Variants in GAS5 observed in about 807,000 individuals in gnomAD.
GAS5 encodes growth arrest specific 5 (non-protein coding).
intron 5 of GAS5, chr1:173,865,813 C>T (rs1431270258): frequency 1.9e-6 from 1 of 513,268 alleles, no homozygotes; most frequent in African/African-American, 1.9e-5. Flanking sequence ...ATATCACCAT[C>T]AGCATTTTCA....
At chr1:173,864,738 T>C in intron 6 of GAS5, 9 of 501,280 alleles carry the variant, frequency 1.8e-5, no homozygotes, top group South Asian at 1.3e-4. Context: ...GTAAGACAAC[T>C]TGCATACAAT....
At chr1:173,863,957 A>C (rs939765994) in intron 7 of GAS5, 2 of 285,462 alleles carry the variant, frequency 7.0e-6, no homozygotes, top group African/African-American at 4.4e-5. Flanking sequence ...TTGTGCCATG[A>C]GACTCCATCA....
upstream of GAS5, chr1:173,867,562 C>G (rs1183106120): frequency 2.1e-6 from 1 of 484,872 alleles, no homozygotes; most frequent in Non-Finnish European, 4.1e-6. Context: ...CTGCGGAATG[C>G]AGGCACTTAA....
chr1:173,867,183 T>C (rs764392117), upstream of GAS5: 16 of 576,782 alleles, frequency 2.8e-5, no homozygotes, highest in Non-Finnish European at 4.3e-5. Context: ...AGGTAAAGGA[T>C]ACACTTAATG....
At position 173,866,301 on chromosome 1, in the gene GAS5, A is replaced by C. The variant is rs758368948; in HGVS notation, n.132-95T>G. The C allele has an allele frequency of 7.7e-6, 4 of 516,910 alleles. 1 individual carries two copies. The highest frequency in any genetic ancestry group is 5.6e-5 in the South Asian group (4 of 71,542). The allele number at this position is 516,910 out of a possible 1,614,324, so 32.0% of individuals were successfully genotyped here. On this transcript the variant is annotated intron_variant and non_coding_transcript_variant, in intron 3 of 7. Transcript: ENST00000651080. ...ATTAACAGCAAACCACAACTACCCC[A>C]GATACATCAGACAGATAGTACATCT...
chr1:173,866,075 CCATTT>C (rs1654560341), intron 4 of GAS5: 1 of 518,832 alleles, frequency 1.9e-6, no homozygotes, highest in South Asian at 1.4e-5. Flanking sequence ...CAAGAATCCG[CCATTT>C]ATTTAATGCA....
intron 3 of GAS5, chr1:173,866,502 AG>A (rs1654677070): frequency 1.5e-6 from 1 of 674,830 alleles, no homozygotes; most frequent in East Asian, 2.7e-5. Context: ...CTTAAAAGTG[AG>A]AAGTACAAAA....
At chr1:173,864,566 G>C in intron 6 of GAS5, 1 of 383,238 alleles carries the variant, frequency 2.6e-6, no homozygotes, top group Non-Finnish European at 5.1e-6. Flanking sequence ...TTCCTTCTCA[G>C]TCACATTTTA....
intron 6 of GAS5, chr1:173,864,567 TCA>T: frequency 2.6e-6 from 1 of 383,244 alleles, no homozygotes; most frequent in Non-Finnish European, 5.1e-6. Flanking sequence ...TCCTTCTCAG[TCA>T]CATTTTAACT....
upstream of GAS5, chr1:173,867,972 G>C (rs139899225): frequency 6.0e-6 from 2 of 335,974 alleles, no homozygotes; most frequent in African/African-American, 2.2e-5. Context: ...CACAGGAGTC[G>C]ACTCCTACCT....
upstream of GAS5, chr1:173,867,994 T>A (rs747326946): frequency 1.5e-5 from 5 of 324,032 alleles, 1 homozygote; most frequent in South Asian, 7.3e-5. Flanking sequence ...GAAAAGACAG[T>A]ATGGTGCCTG....
intron 7 of GAS5, chr1:173,864,093 A>G (rs1033567126): frequency 2.0e-6 from 1 of 497,922 alleles, no homozygotes; most frequent in Non-Finnish European, 4.1e-6. Context: ...AAAAAATAAG[A>G]CAAGACTTTT....
At chr1:173,865,063 G>C (rs1056357054) in intron 6 of GAS5, 1 of 357,834 alleles carries the variant, frequency 2.8e-6, no homozygotes, top group Non-Finnish European at 5.5e-6. Context: ...GCCAGGCATG[G>C]TGTCACATGC....
intron 6 of GAS5, chr1:173,864,404 T>C (rs1557868711): frequency 1.9e-6 from 1 of 519,008 alleles, no homozygotes; most frequent in Non-Finnish European, 3.8e-6. Context: ...TTTACAGTGA[T>C]ATCATTATAT....
exon 6 of GAS5, chr1:173,865,494 G>A (rs6790): frequency 0.1 from 53,047 of 506,896 alleles, 3,576 homozygotes; most frequent in East Asian, 0.33. Flanking sequence ...GACAGGAACT[G>A]TCTTCATGTC....
At chr1:173,864,847 G>T (rs747395568) in intron 6 of GAS5, 2 of 519,058 alleles carry the variant, frequency 3.9e-6, no homozygotes, top group Admixed American at 1.9e-5. Context: ...AGATAGGAGC[G>T]AAAGACTTAA....
chr1:173,865,217 G>A (rs1451494908), intron 6 of GAS5: 4 of 332,512 alleles, frequency 1.2e-5, no homozygotes, highest in Non-Finnish European at 2.3e-5. Context: ...AAAATACTTG[G>A]AACTGCTATA....
At chr1:173,865,487 A>G in exon 6 of GAS5, 1 of 508,194 alleles carries the variant, frequency 2.0e-6, no homozygotes, top group South Asian at 1.4e-5. Flanking sequence ...AAGGTATGAC[A>G]GGAACTGTCT....
upstream of GAS5, chr1:173,867,174 G>A (rs1419034266): frequency 5.2e-6 from 3 of 578,242 alleles, no homozygotes; most frequent in Non-Finnish European, 9.2e-6. Context: ...TCTAGCGACA[G>A]GTAAAGGATA....
Sources: allele counts gnomAD v4.1 joint callset, GRCh38; gene constraint gnomAD v4.1.1; transcripts MANE v1.5; gene names NCBI Gene and HGNC (gene_info 2026-07-23, HGNC 2026-07-21).